Variants in TAOK3 observed in about 807,000 individuals in gnomAD.
The protein encoded by TAOK3 is TAO kinase 3, also known as serine/threonine-protein kinase TAO3.
In TAOK3, 40 loss-of-function variants were observed where a neutral mutation model predicts 120.4. The ratio of observed to expected loss-of-function variants is 0.33; its 90% CI spans 0.26 to 0.43. TAOK3 has a LOEUF of 0.43. Ranked by LOEUF, TAOK3 falls within the 20% of genes least tolerant of loss-of-function variation. The probability of loss-of-function intolerance (pLI) is 1.00; values close to 1 mark genes in which losing one functional copy is unlikely to be tolerated. For missense variants in TAOK3, 821 were observed against 1,112.1 expected (o/e 0.74, Z 3.72); for synonymous variants, 355 against 387.5 (o/e 0.92, Z 0.99).
At chr12:118,239,154 A>G (rs2040138758) in intron 6 of TAOK3, 73 bp downstream of exon 6, 1 of 993,068 alleles carries the variant, frequency 1.0e-6, no homozygotes, top group Non-Finnish European at 1.6e-6. Context: ...CCCAAACTAC[A>G]CTTTAGTATG....
Position 118,279,439 on chromosome 12 carries a change from AT to A in TAOK3, c.-193-12681del, listed in dbSNP as rs369174298. Among the ~76,000 whole-genome samples the A allele has an allele frequency of 7.5e-3, 1,093 of 145,414 alleles. 7 individuals are homozygous for A. The highest frequency in any genetic ancestry group is 0.018 in the Middle Eastern group (5 of 278). On this transcript the variant is annotated intron_variant, in intron 1 of 20. Coordinates refer to ENST00000392533, the MANE Select transcript of TAOK3 (RefSeq NM_016281.4). ...CTTTAATTCTCATTTGTCAATTTTT[AT>A]TTTTTTTTTGCAATTGCTTTTGGTG...
Position 118,150,511 on chromosome 12 carries a change from A to AAAAAT in TAOK3, c.*481_*485dup, listed in dbSNP as rs1488217777. Reference sequence around the variant, plus strand: ...TTTATTCCTGATGAATAAATACCAAAAAAATAAAATAAAATAAAATAATGC... The same window carrying AAAAAT: ...TTTATTCCTGATGAATAAATACCAAAAAAATAAAATAAAATAAAATAAAATAATGC... On this transcript the variant is annotated 3_prime_UTR_variant, in exon 21 of 21. Coordinates refer to ENST00000392533, the MANE Select transcript of TAOK3 (RefSeq NM_016281.4). 3.9e-5 allele frequency: 6 copies of AAAAAT among 152,758 alleles called. No individual in the cohort carries two copies. The highest frequency in any genetic ancestry group is 6.5e-5 in the Admixed American group (1 of 15,278). 9.5% of individuals were successfully genotyped at this position (152,758 alleles called of 1,614,324 possible).
intron 1 of TAOK3, among the ~76,000 whole-genome samples, chr12:118,330,884 A>G (rs1163658880): frequency 6.6e-6 from 1 of 152,144 alleles, no homozygotes; most frequent in Non-Finnish European, 1.5e-5. Context: ...TAAGTCTGAA[A>G]CTGCCATAAA....
intron 1 of TAOK3, among the ~76,000 whole-genome samples, chr12:118,348,167 C>T (rs2141191026): frequency 6.6e-6 from 1 of 152,178 alleles, no homozygotes; most frequent in Admixed American, 6.5e-5. Flanking sequence ...TCCATGTTAC[C>T]CCATCTCCCT....
chr12:118,221,055 G>A (rs1168676387), intron 9 of TAOK3, among the ~76,000 whole-genome samples: 3 of 152,180 alleles, frequency 2.0e-5, no homozygotes, highest in Non-Finnish European at 2.9e-5. Context: ...TTGGAACACA[G>A]CCATGCCTGT....
Position 118,234,212 on chromosome 12 carries a change from ATTTTTTTTTTTTTTTTT to A in TAOK3, c.552-464_552-448del, listed in dbSNP as rs763473530. On this transcript the variant is annotated intron_variant, in intron 8 of 20. Transcript: ENST00000392533. ...TTAAAGTAATTAAATAAAGCAGGAA[ATTTTTTTTTTTTTTTTT>A]TTTTTTTTTTTTTTTTTGAGACGGA... Among the ~76,000 whole-genome samples, 30 of 58,340 alleles carry A rather than the reference ATTTTTTTTTTTTTTTTT, an allele frequency of 5.1e-4. 1 individual carries two copies. Among genetic ancestry groups the A allele is most frequent in the East Asian group, 1.7e-3 (4 of 2,332 alleles). The allele number at this position is 58,340 out of a possible 152,430, so 38.3% of individuals were successfully genotyped here.
At chr12:118,230,935 T>G (rs2039751779) in intron 9 of TAOK3, among the ~76,000 whole-genome samples, 4 of 152,108 alleles carry the variant, frequency 2.6e-5, no homozygotes, top group Admixed American at 2.6e-4. Context: ...AAAAAAGAAA[T>G]TCATCAACTC....
chr12:118,349,722 T>G (rs2045051603), intron 1 of TAOK3, among the ~76,000 whole-genome samples: 1 of 152,194 alleles, frequency 6.6e-6, no homozygotes, highest in African/African-American at 2.4e-5. Flanking sequence ...AAAACCTGAA[T>G]TTCATAATTT....
At chr12:118,328,057 C>CTT (rs199805678) in intron 1 of TAOK3, among the ~76,000 whole-genome samples, 16 of 144,082 alleles carry the variant, frequency 1.1e-4, no homozygotes, top group East Asian at 6.0e-4. Flanking sequence ...TCAACAGGTA[C>CTT]TTTTTTTTTT....
At chr12:118,187,412 A>T (rs794719) in intron 14 of TAOK3, among the ~76,000 whole-genome samples, 148,683 of 152,250 alleles carry the variant, frequency 0.98, 72,628 homozygotes, top group Middle Eastern at 1. Flanking sequence ...ATATATTTTT[A>T]AAAATTAAAT....
intron 13 of TAOK3, chr12:118,190,611 G>T (rs145458877): frequency 6.6e-6 from 1 of 152,306 alleles, no homozygotes; most frequent in Non-Finnish European, 1.5e-5. Flanking sequence ...TTAACCAAAT[G>T]ATACGTTCAC....
chr12:118,212,301 G>A (rs1481778358), intron 11 of TAOK3, among the ~76,000 whole-genome samples: 1 of 152,188 alleles, frequency 6.6e-6, no homozygotes, highest in African/African-American at 2.4e-5. Flanking sequence ...CACTTCTACT[G>A]TAAAAGATTT....
intron 1 of TAOK3, among the ~76,000 whole-genome samples, chr12:118,335,101 T>C (rs1426628411): frequency 1.3e-5 from 2 of 151,732 alleles, no homozygotes; most frequent in South Asian, 2.1e-4. Context: ...GGAGAATCAC[T>C]TGAACCTGGG....
At chr12:118,310,837 T>G (rs996530787) in intron 1 of TAOK3, among the ~76,000 whole-genome samples, 11 of 152,216 alleles carry the variant, frequency 7.2e-5, no homozygotes, top group African/African-American at 1.9e-4. Flanking sequence ...CCGTGTAGTG[T>G]AGATAGCCTT....
chr12:118,240,164 C>T (rs990186870), intron 5 of TAOK3, among the ~76,000 whole-genome samples: 2 of 151,488 alleles, frequency 1.3e-5, no homozygotes, highest in Non-Finnish European at 2.9e-5. Flanking sequence ...AAGTGAGAAA[C>T]CTCTTTCTTT....
intron 17 of TAOK3, among the ~76,000 whole-genome samples, chr12:118,165,442 G>A (rs551795122): frequency 1.3e-5 from 2 of 152,316 alleles, no homozygotes; most frequent in South Asian, 4.1e-4. Context: ...AACACCTTCA[G>A]AAGAAATCAA....
At chr12:118,244,380 A>G (rs550947833) in intron 4 of TAOK3, among the ~76,000 whole-genome samples, 2 of 152,248 alleles carry the variant, frequency 1.3e-5, no homozygotes, top group Admixed American at 1.3e-4. Context: ...TAGTTAATTG[A>G]GCTAGAACAT....
intron 14 of TAOK3, among the ~76,000 whole-genome samples, chr12:118,183,894 C>G (rs2036917959): frequency 6.6e-6 from 1 of 152,142 alleles, no homozygotes; most frequent in South Asian, 2.1e-4. Flanking sequence ...TGGCTTACAG[C>G]CAATAAAATA....
intron 9 of TAOK3, among the ~76,000 whole-genome samples, chr12:118,228,405 G>A (rs1281700424): frequency 6.6e-6 from 1 of 151,968 alleles, no homozygotes; most frequent in Admixed American, 6.6e-5. Context: ...ATCTGCCTTG[G>A]CCTCCCAAAG....
Sources: allele counts gnomAD v4.1 joint callset (sites outside exome capture counted in the v4.1 genomes callset), GRCh38; gene constraint gnomAD v4.1.1; transcripts MANE v1.5; gene names NCBI Gene and HGNC (gene_info 2026-07-23, HGNC 2026-07-21).